PRKCE: variants seen among roughly 807,000 people sequenced by gnomAD.
PRKCE encodes protein kinase C epsilon.
A neutral mutation model predicts 85.4 loss-of-function variants in PRKCE; 16 were observed. The observed-to-expected ratio is 0.19, with a 90% confidence interval of 0.13 to 0.28. The LOEUF (loss-of-function observed/expected upper bound fraction) is 0.28, where lower values mean the gene tolerates loss of function less well. Ranked by LOEUF, PRKCE falls within the 10% of genes least tolerant of loss-of-function variation. PRKCE has a pLI of 1.00. For missense variants in PRKCE, 573 were observed against 975.2 expected (o/e 0.59, Z 5.49); for synonymous variants, 388 against 371.5 (o/e 1.04, Z -0.51).
At chr2:45,658,698 T>A (rs1675495359) in intron 1 of PRKCE, among the ~76,000 whole-genome samples, 1 of 152,236 alleles carries the variant, frequency 6.6e-6, no homozygotes, top group South Asian at 2.1e-4. Context: ...TTTCAGCAAT[T>A]TTATTAATAT....
At chr2:45,867,654 T>G (rs1203306083) in intron 2 of PRKCE, among the ~76,000 whole-genome samples, 1 of 152,238 alleles carries the variant, frequency 6.6e-6, no homozygotes, top group Non-Finnish European at 1.5e-5. Flanking sequence ...ATTTTTTTCA[T>G]CAGAGGTTTT....
intron 10 of PRKCE, among the ~76,000 whole-genome samples, chr2:46,037,515 C>G (rs1332829835): frequency 6.6e-6 from 1 of 152,184 alleles, no homozygotes; most frequent in African/African-American, 2.4e-5. Context: ...TCAAATATCC[C>G]TCAGGCGAAC....
In PRKCE at chr2:45,697,204, C is replaced by G. The variant is rs771524668; in HGVS notation, c.348+44756C>G. Among the ~76,000 whole-genome samples the G allele has an allele frequency of 2.6e-5, 4 of 152,094 alleles. No individual in the cohort carries two copies. Among genetic ancestry groups the G allele is most frequent in the African/African-American group, 4.8e-5 (2 of 41,414 alleles). On this transcript the variant is annotated intron_variant, in intron 1 of 14. Transcript: ENST00000306156. The surrounding 1 kb of genome is among the most constrained non-coding windows in gnomAD (Gnocchi z 4.2). ...GACTGCATCGTCCTTTCAAAGAGTC[C>G]ATGCTCTACCTGGGAGGGCCTGTGT... is the stretch of plus-strand genomic sequence containing the variant.
chr2:45,921,635 C>T (rs1204489349), intron 2 of PRKCE, among the ~76,000 whole-genome samples: 1 of 152,226 alleles, frequency 6.6e-6, no homozygotes, highest in African/African-American at 2.4e-5. Context: ...CTCCAAGTCA[C>T]TCCTTTCTGG....
At chr2:45,943,001 C>G (rs1353050272) in intron 2 of PRKCE, among the ~76,000 whole-genome samples, 2 of 152,168 alleles carry the variant, frequency 1.3e-5, no homozygotes, top group African/African-American at 4.8e-5. Flanking sequence ...AGAAGTGTTG[C>G]ACAAATACAT....
At position 46,111,517 on chromosome 2, in the gene PRKCE, C is replaced by A. The variant is rs564472436; in HGVS notation, c.1592+25155C>A. 2.0e-3 allele frequency among the ~76,000 whole-genome samples: 311 copies of A among 152,284 alleles called. 1 individual carries two copies. Among genetic ancestry groups the A allele is most frequent in the African/African-American group, 7.3e-3 (304 of 41,564 alleles). On this transcript the variant is annotated intron_variant, in intron 11 of 14. Transcript: ENST00000306156. The stretch of plus-strand genomic sequence containing the variant: ...AGTCCTTCCATCCCCTTACCCTGAG[C>A]CTTAGGCATTCACTTACCTAGTTTC...
At chr2:46,120,224 T>A (rs1673175841) in intron 11 of PRKCE, among the ~76,000 whole-genome samples, 1 of 152,242 alleles carries the variant, frequency 6.6e-6, no homozygotes, top group Admixed American at 6.5e-5. Flanking sequence ...AAGTGGTTCT[T>A]GATGTTCCTC....
chr2:45,781,900 C>G (rs1362546219), intron 1 of PRKCE, among the ~76,000 whole-genome samples: 2 of 152,158 alleles, frequency 1.3e-5, no homozygotes, highest in African/African-American at 4.8e-5. Flanking sequence ...CCTGCCTCAT[C>G]CATCCCTCTT....
intron 1 of PRKCE, among the ~76,000 whole-genome samples, chr2:45,826,383 C>G (rs2105363853): frequency 6.6e-6 from 1 of 152,286 alleles, no homozygotes; most frequent in East Asian, 1.9e-4. Flanking sequence ...ATTTCTATAT[C>G]ACAAATGTAC....
At chr2:45,916,547 A>G (rs1697795377) in intron 2 of PRKCE, among the ~76,000 whole-genome samples, 1 of 152,200 alleles carries the variant, frequency 6.6e-6, no homozygotes, top group Non-Finnish European at 1.5e-5. Context: ...CACCCAATGA[A>G]ATAAGCCATT....
chr2:46,147,174 C>A (rs118125979), intron 12 of PRKCE, among the ~76,000 whole-genome samples: 1 of 152,252 alleles, frequency 6.6e-6, no homozygotes, highest in East Asian at 1.9e-4. Context: ...AGTCTTTCTG[C>A]AAATGTATTT....
At chr2:45,794,465 A>G (rs1042387651) in intron 1 of PRKCE, among the ~76,000 whole-genome samples, 7 of 152,198 alleles carry the variant, frequency 4.6e-5, no homozygotes, top group Non-Finnish European at 7.3e-5. Flanking sequence ...GGGGTTAACC[A>G]GCCTGGATGA....
intron 2 of PRKCE, among the ~76,000 whole-genome samples, chr2:45,911,227 G>C (rs1418731710): frequency 6.6e-6 from 1 of 152,192 alleles, no homozygotes; most frequent in Non-Finnish European, 1.5e-5. Context: ...GAAGAGCTGG[G>C]TTTATTTTTA....
intron 2 of PRKCE, among the ~76,000 whole-genome samples, chr2:45,864,997 A>T (rs1405669075): frequency 6.6e-6 from 1 of 152,196 alleles, no homozygotes; most frequent in Non-Finnish European, 1.5e-5. Flanking sequence ...GTTCTCAGGT[A>T]ACCTGAGACC....
chr2:45,994,525 A>T (rs1465518586), intron 6 of PRKCE, among the ~76,000 whole-genome samples: 1 of 152,176 alleles, frequency 6.6e-6, no homozygotes, highest in African/African-American at 2.4e-5. Flanking sequence ...AATGTCCTAT[A>T]GTTGGAATGA....
chr2:45,658,390 C>G (rs618511), intron 1 of PRKCE, among the ~76,000 whole-genome samples: 131,107 of 151,608 alleles, frequency 0.86, 56,782 homozygotes, highest in African/African-American at 0.91. Flanking sequence ...GACAGTCAAG[C>G]GTTGTTTGAA....
chr2:46,103,717 A>G (rs1449152512), intron 11 of PRKCE, among the ~76,000 whole-genome samples: 1 of 152,196 alleles, frequency 6.6e-6, no homozygotes, highest in Non-Finnish European at 1.5e-5. Flanking sequence ...TATATACTAT[A>G]TTCTTAAAAT....
rs1398198272 is a variant in PRKCE at position 46,155,894 on chromosome 2, T to A, written c.1921-3712T>A. ...CCTTCTTGTGTCCTTCTCATCTCTG[T>A]ACGTCTATCAGAGTGATCTCTTAGT... On this transcript the variant is annotated intron_variant, in intron 13 of 14. Transcript: ENST00000306156. This position sits in a 1 kb window ranked among gnomAD's most constrained non-coding sequence, Gnocchi z 4.7. 6.6e-6 allele frequency among the ~76,000 whole-genome samples: 1 copy of A among 152,080 alleles called. No individual in the cohort carries two copies. Among genetic ancestry groups the A allele is most frequent in the East Asian group, 1.9e-4 (1 of 5,182 alleles).
chr2:45,731,617 ATTTTTTTT>A (rs11329717), intron 1 of PRKCE, among the ~76,000 whole-genome samples: 28 of 108,584 alleles, frequency 2.6e-4, no homozygotes, highest in African/African-American at 8.3e-4. Context: ...AATTCCTGGA[ATTTTTTTT>A]TTTTTTTTTT....
Sources: gnomAD v4.1 joint callset for allele counts (sites outside exome capture counted in the v4.1 genomes callset) on GRCh38, gnomAD v4.1.1 for gene constraint, Gnocchi (gnomAD v3.1) non-coding constraint, MANE v1.5 for transcripts, NCBI Gene and HGNC (gene_info 2026-07-23, HGNC 2026-07-21) for gene names.